SORCS3: variants seen among roughly 807,000 people sequenced by gnomAD.
The protein encoded by SORCS3 is VPS10 domain-containing receptor SorCS3.
In SORCS3, 57 loss-of-function variants were observed where a neutral mutation model predicts 146.3. The observed-to-expected ratio is 0.39, with a 90% CI of 0.31 to 0.49. The LOEUF (loss-of-function observed/expected upper bound fraction) is 0.49. SORCS3 is among the 20% of genes least tolerant of loss of function. The pLI is 0.92. For missense variants in SORCS3, 1,341 were observed against 1,575.5 expected (o/e 0.85, Z 2.52); for synonymous variants, 653 against 618.5 (o/e 1.06, Z -0.83).
At chr10:105,216,015 C>T (rs1486986193) in intron 18 of SORCS3, among the ~76,000 whole-genome samples, 1 of 151,964 alleles carries the variant, frequency 6.6e-6, no homozygotes, top group Non-Finnish European at 1.5e-5. Flanking sequence ...GAATGAGGTT[C>T]AGCATAGACC....
At chr10:105,110,525 G>A (rs1216670356) in intron 7 of SORCS3, among the ~76,000 whole-genome samples, 1 of 151,932 alleles carries the variant, frequency 6.6e-6, no homozygotes, top group South Asian at 2.1e-4. Flanking sequence ...TATTTGAGGA[G>A]GTTCATTTTA....
At chr10:105,190,097 C>T (rs528707176) in intron 14 of SORCS3, among the ~76,000 whole-genome samples, 1 of 152,198 alleles carries the variant, frequency 6.6e-6, no homozygotes, top group African/African-American at 2.4e-5. Context: ...ATTGCCCATA[C>T]CTCAGTGCCA....
At chr10:105,256,647 C>T (rs934998628) in intron 24 of SORCS3, among the ~76,000 whole-genome samples, 172 bp from the exon 25 acceptor site, 3 of 152,210 alleles carry the variant, frequency 2.0e-5, no homozygotes, top group Non-Finnish European at 4.4e-5. Flanking sequence ...ACTCAGGTGC[C>T]ATTGCCATCA....
intron 1 of SORCS3, among the ~76,000 whole-genome samples, chr10:104,758,782 C>A (rs2017087981): frequency 6.6e-6 from 1 of 152,164 alleles, no homozygotes; most frequent in Admixed American, 6.5e-5. Flanking sequence ...CAAGCAGCTT[C>A]TCCAGCCCCA....
At chr10:105,098,848 A>G (rs995734802) in intron 6 of SORCS3, among the ~76,000 whole-genome samples, 3 of 152,188 alleles carry the variant, frequency 2.0e-5, no homozygotes, top group African/African-American at 7.2e-5. Flanking sequence ...AGAGCCCTGA[A>G]TGGGATGGTA....
rs984850911 is a variant in SORCS3 at position 104,967,808 on chromosome 10, G to A, written c.796-9527G>A. Among the ~76,000 whole-genome samples, 4 of 151,550 alleles carry A rather than the reference G, an allele frequency of 2.6e-5. No homozygotes were observed. The East Asian group carries it at 5.9e-4, about 22-fold the overall frequency. On this transcript the variant is annotated intron_variant, in intron 3 of 26. Transcript: ENST00000369701. ...TGAGTAGCTGGGGCCATAAGTGCAC[G>A]CCACCACACCAGACTAATTTTTTTT...
chr10:104,821,180 G>A (rs2017868768), intron 1 of SORCS3, among the ~76,000 whole-genome samples: 1 of 152,196 alleles, frequency 6.6e-6, no homozygotes, highest in Admixed American at 6.5e-5. Flanking sequence ...TCTGTTGGTT[G>A]AAGCAGTCAC....
chr10:104,801,593 A>G (rs1332935036), intron 1 of SORCS3, among the ~76,000 whole-genome samples: 6 of 152,204 alleles, frequency 3.9e-5, no homozygotes, highest in African/African-American at 1.4e-4. Context: ...GAGTGTGGGA[A>G]TGAATGATGC....
chr10:104,712,057 C>G (rs1340372772), intron 1 of SORCS3, among the ~76,000 whole-genome samples: 1 of 152,174 alleles, frequency 6.6e-6, no homozygotes, highest in African/African-American at 2.4e-5. Context: ...AGTTTCTCCC[C>G]TTTCCTACTC....
At chr10:104,777,969 G>A (rs934275488) in intron 1 of SORCS3, among the ~76,000 whole-genome samples, 1 of 152,148 alleles carries the variant, frequency 6.6e-6, no homozygotes, top group African/African-American at 2.4e-5. Context: ...GACTGGGAAG[G>A]GCTAGGGGAG....
At chr10:104,891,469 C>G (rs2133583273) in intron 2 of SORCS3, among the ~76,000 whole-genome samples, 1 of 152,248 alleles carries the variant, frequency 6.6e-6, no homozygotes, top group Non-Finnish European at 1.5e-5. Context: ...CTGCTGAACT[C>G]AGGGAGATCA....
intron 6 of SORCS3, 100 bp from the exon 7 acceptor site, chr10:105,105,297 A>T: frequency 1.5e-6 from 1 of 680,646 alleles, no homozygotes; most frequent in Non-Finnish European, 2.6e-6. Context: ...ATTTTAAATT[A>T]CCTTGTTGAT....
chr10:105,072,653 CTCTCTCTTTTTT>C (rs1286923486), intron 5 of SORCS3, among the ~76,000 whole-genome samples: 3 of 17,598 alleles, frequency 1.7e-4, no homozygotes, highest in African/African-American at 4.3e-4. Context: ...TTCTTTCTCT[CTCTCTCTTTTTT>C]TTTTTTTTTT....
chr10:104,753,215 G>T (rs2017009252), intron 1 of SORCS3, among the ~76,000 whole-genome samples: 1 of 152,222 alleles, frequency 6.6e-6, no homozygotes. Flanking sequence ...CCCCACAGAA[G>T]AAGGTTTAGG....
intron 14 of SORCS3, 26 bp downstream of exon 14, chr10:105,178,199 G>A (rs761589738): frequency 6.4e-7 from 1 of 1,552,618 alleles, no homozygotes; most frequent in Non-Finnish European, 8.9e-7. Flanking sequence ...GCTGTGACAG[G>A]AAGAAGACCA....
At chr10:104,666,764 C>A (rs571708021) in intron 1 of SORCS3, among the ~76,000 whole-genome samples, 1 of 152,206 alleles carries the variant, frequency 6.6e-6, no homozygotes, top group East Asian at 1.9e-4. Flanking sequence ...TGCCTCCATA[C>A]CCAACTATTT....
At chr10:105,086,566 G>A (rs1011422340) in intron 5 of SORCS3, among the ~76,000 whole-genome samples, 4 of 152,176 alleles carry the variant, frequency 2.6e-5, no homozygotes, top group Non-Finnish European at 5.9e-5. Context: ...TTCTTTGCAT[G>A]TTTTATTGGT....
chr10:104,763,339 T>G (rs999670141), intron 1 of SORCS3, among the ~76,000 whole-genome samples: 3 of 152,178 alleles, frequency 2.0e-5, no homozygotes, highest in Non-Finnish European at 4.4e-5. Context: ...TATCAGGGAG[T>G]ACATTTTCAT....
intron 7 of SORCS3, among the ~76,000 whole-genome samples, chr10:105,133,718 G>A (rs998705376): frequency 6.6e-6 from 1 of 152,160 alleles, no homozygotes; most frequent in African/African-American, 2.4e-5. Context: ...GAGGCAGAAG[G>A]CTGCTTGAGC....
Sources: allele counts gnomAD v4.1 joint callset (sites outside exome capture counted in the v4.1 genomes callset), GRCh38; gene constraint gnomAD v4.1.1; transcripts MANE v1.5; gene names NCBI Gene and HGNC (gene_info 2026-07-23, HGNC 2026-07-21).